Variants in FKBP5 observed in about 807,000 individuals in gnomAD.
FKBP5 encodes the protein peptidyl-prolyl cis-trans isomerase FKBP5.
A neutral mutation model predicts 50.5 loss-of-function variants in FKBP5; 23 were observed. The observed-to-expected ratio is 0.46, with a 90% CI of 0.33 to 0.65. FKBP5 has a LOEUF of 0.65. Among genes scored for constraint, FKBP5 ranks in the 30% least tolerant of loss-of-function variants. The pLI, the probability that FKBP5 is intolerant of heterozygous loss-of-function variation, is 0.02. For missense variants in FKBP5, 411 were observed against 553.1 expected, an observed-to-expected ratio of 0.74 and a Z score of 2.58; for synonymous variants, 176 against 190.6, an observed-to-expected ratio of 0.92 and a Z score of 0.63.
chr6:35,684,476 C>T (rs1377039212), intron 1 of FKBP5, among the ~76,000 whole-genome samples: 2 of 152,128 alleles, frequency 1.3e-5, no homozygotes, highest in Non-Finnish European at 2.9e-5. Flanking sequence ...CTGCACCTCG[C>T]CACCTTTTTC....
At chr6:35,624,365 G>A (rs930688304) in intron 3 of FKBP5, among the ~76,000 whole-genome samples, 3 of 152,086 alleles carry the variant, frequency 2.0e-5, no homozygotes, top group South Asian at 4.2e-4. Flanking sequence ...GGCCGGGCAC[G>A]GTGGCTCACG....
intron 5 of FKBP5, among the ~76,000 whole-genome samples, chr6:35,616,813 T>G (rs1269224809): frequency 6.6e-6 from 1 of 152,140 alleles, no homozygotes; most frequent in Non-Finnish European, 1.5e-5. Context: ...ACCTCTACCT[T>G]TGTACATACA....
intron 5 of FKBP5, among the ~76,000 whole-genome samples, chr6:35,616,213 G>T (rs1005884544): frequency 6.6e-6 from 1 of 151,442 alleles, no homozygotes; most frequent in African/African-American, 2.4e-5. Flanking sequence ...TACTTGGGAG[G>T]CTGAGACAGG....
chr6:35,586,441 T>A, intron 8 of FKBP5: 9 of 985,566 alleles, frequency 9.1e-6, no homozygotes, highest in Non-Finnish European at 9.6e-6. Context: ...TCTCCTTTTA[T>A]CATATGCTCT....
intron 1 of FKBP5, among the ~76,000 whole-genome samples, chr6:35,725,386 G>C (rs113007122): frequency 1.3e-5 from 2 of 152,150 alleles, no homozygotes; most frequent in East Asian, 1.9e-4. Flanking sequence ...TTGCTAAAAG[G>C]CTTGGGAAAC....
chr6:35,688,302 G>A (rs1370614011), intron 1 of FKBP5, among the ~76,000 whole-genome samples: 1 of 152,132 alleles, frequency 6.6e-6, no homozygotes, highest in Non-Finnish European at 1.5e-5. Flanking sequence ...CTCGCCCTGG[G>A]GTCCGGTTGT....
At chr6:35,667,013 GTGTGTC>G (rs1765252071) in intron 1 of FKBP5, among the ~76,000 whole-genome samples, 4 of 85,080 alleles carry the variant, frequency 4.7e-5, no homozygotes, top group Non-Finnish European at 6.8e-5. Context: ...TGTTTTGTGT[GTGTGTC>G]TGTGTGTGTG....
chr6:35,627,901 A>G (rs960836440), intron 3 of FKBP5, among the ~76,000 whole-genome samples: 1 of 142,348 alleles, frequency 7.0e-6, no homozygotes, highest in African/African-American at 2.6e-5. Flanking sequence ...AGCTGGGATT[A>G]TAGGCATGCG....
At chr6:35,612,759 C>G (rs75419538) in intron 5 of FKBP5, among the ~76,000 whole-genome samples, 11,681 of 152,270 alleles carry the variant, frequency 0.077, 932 homozygotes, top group African/African-American at 0.21. Context: ...GATCTCGTGA[C>G]AACTCACTCT....
chr6:35,675,468 G>A (rs1765501661), intron 1 of FKBP5, among the ~76,000 whole-genome samples: 1 of 152,194 alleles, frequency 6.6e-6, no homozygotes, highest in African/African-American at 2.4e-5. Flanking sequence ...TACTCAGGAG[G>A]CTGAGGCAAG....
At chr6:35,706,068 C>G (rs1342182878) in intron 2 of FKBP5, among the ~76,000 whole-genome samples, 3 of 152,008 alleles carry the variant, frequency 2.0e-5, no homozygotes, top group Non-Finnish European at 2.9e-5. Flanking sequence ...GAGATGGCAC[C>G]ACTGCACTCC....
chr6:35,667,060 T>C (rs1280557529), intron 1 of FKBP5, among the ~76,000 whole-genome samples: 1 of 150,346 alleles, frequency 6.7e-6, no homozygotes, highest in Non-Finnish European at 1.5e-5. Flanking sequence ...TGTGTGTGTA[T>C]ACATAGATGC....
At chr6:35,681,684 A>G (rs893752820) in intron 1 of FKBP5, among the ~76,000 whole-genome samples, 1 of 152,200 alleles carries the variant, frequency 6.6e-6, no homozygotes, top group Non-Finnish European at 1.5e-5. Context: ...TCTTGGTACA[A>G]TAAGATTTCA....
At chr6:35,717,529 T>C (rs1334906087) in intron 2 of FKBP5, among the ~76,000 whole-genome samples, 1 of 152,256 alleles carries the variant, frequency 6.6e-6, no homozygotes, top group East Asian at 1.9e-4. Flanking sequence ...GTGTGCACCC[T>C]GTGTGTATGT....
chr6:35,581,651 T>C, intron 8 of FKBP5: 2 of 985,442 alleles, frequency 2.0e-6, no homozygotes, highest in South Asian at 9.4e-5. Flanking sequence ...ATGTGTCCAC[T>C]GTGATTTTAA....
intron 8 of FKBP5, chr6:35,583,995 C>T (rs994000540): frequency 1.5e-4 from 145 of 985,210 alleles, no homozygotes; most frequent in Non-Finnish European, 1.6e-4. Flanking sequence ...AGGAGAAGCA[C>T]AAGGGGGCGC....
intron 2 of FKBP5, among the ~76,000 whole-genome samples, chr6:35,714,584 A>G (rs1307275524): frequency 6.6e-6 from 1 of 152,018 alleles, no homozygotes; most frequent in African/African-American, 2.4e-5. Context: ...TGGGAGGCCA[A>G]GGTGGGCAGA....
At chr6:35,580,493 G>C in intron 8 of FKBP5, 1 of 272,574 alleles carries the variant, frequency 3.7e-6, no homozygotes, top group Non-Finnish European at 6.7e-6. Flanking sequence ...CAAGGCTTCT[G>C]GGCTATGTTC....
chr6:35,686,290 A>G (rs1318328383), intron 1 of FKBP5, among the ~76,000 whole-genome samples: 1 of 152,158 alleles, frequency 6.6e-6, no homozygotes, highest in African/African-American at 2.4e-5. Context: ...AGTAATTAAA[A>G]TATCTAAAAA....
Sources: gnomAD v4.1 joint callset for allele counts (sites outside exome capture counted in the v4.1 genomes callset) on GRCh38, gnomAD v4.1.1 for gene constraint, MANE v1.5 for transcripts, NCBI Gene and HGNC (gene_info 2026-07-23, HGNC 2026-07-21) for gene names.